The following CELF2 variants were observed in gnomAD, a reference collection of about 807,000 sequenced individuals.
CELF2 encodes the protein CUG triplet repeat RNA-binding protein 2.
In CELF2, 8 loss-of-function variants were observed where a neutral mutation model predicts 62.6. That is an observed-to-expected ratio of 0.13 (90% CI 0.07 to 0.23). The LOEUF (loss-of-function observed/expected upper bound fraction) is 0.23, where lower values mean the gene tolerates loss of function less well. Among genes scored for constraint, CELF2 ranks in the 10% least tolerant of loss-of-function variants. The pLI is 1.00. For missense variants in CELF2, 333 were observed against 671.0 expected (o/e 0.50, Z 5.56); for synonymous variants, 258 against 250.0 (o/e 1.03, Z -0.30).
chr10:10,504,459 G>A, the CELF2 span, among the ~76,000 whole-genome samples: 21,839 of 152,032 alleles, frequency 0.14, 1,721 homozygotes, highest in Middle Eastern at 0.26. Flanking sequence ...TATAGGTAAG[G>A]CATCATTTTT....
At chr10:10,670,862 C>T in the CELF2 span, among the ~76,000 whole-genome samples, 2 of 152,038 alleles carry the variant, frequency 1.3e-5, no homozygotes, top group African/African-American at 4.8e-5. Context: ...CAAATTGGCT[C>T]CTTTCACTTA....
At chr10:10,738,875 A>G in the CELF2 span, among the ~76,000 whole-genome samples, 1 of 152,236 alleles carries the variant, frequency 6.6e-6, no homozygotes, top group Non-Finnish European at 1.5e-5. Context: ...CGTGGACTTT[A>G]GTTAATAATA....
chr10:11,237,831 C>T lies in CELF2; in HGVS notation c.355-11322C>T, dbSNP rs2072107297. Among the ~76,000 whole-genome samples, 1 of 152,228 alleles carries T rather than the reference C, an allele frequency of 6.6e-6. No homozygotes were observed. The highest frequency in any genetic ancestry group is 1.5e-5 in the Non-Finnish European group (1 of 68,040). ...GTCACAAGGATGATTTGTTGTTAAACCACAACTCGTTTCTCTTAAAATATG... is the reference window on the plus strand; with the variant it reads ...GTCACAAGGATGATTTGTTGTTAAATCACAACTCGTTTCTCTTAAAATATG... On this transcript the variant is annotated intron_variant, in intron 3 of 12. Transcript: ENST00000633077. This position sits in a 1 kb window ranked among gnomAD's most constrained non-coding sequence, Gnocchi z 4.0.
chr10:10,485,465 G>A, the CELF2 span, among the ~76,000 whole-genome samples: 2 of 152,124 alleles, frequency 1.3e-5, no homozygotes, highest in African/African-American at 4.8e-5. Flanking sequence ...AAGTCTTTTG[G>A]TTACAAGTGT....
At chr10:10,966,688 G>A (rs964177195) in intron 2 of CELF2, 1 of 152,188 alleles carries the variant, frequency 6.6e-6, no homozygotes, top group Non-Finnish European at 1.5e-5. Context: ...GAATATCTGG[G>A]GATAGGGCAT....
At chr10:10,861,204 T>C (rs565581138) in intron 1 of CELF2, among the ~76,000 whole-genome samples, 1 of 152,252 alleles carries the variant, frequency 6.6e-6, no homozygotes, top group East Asian at 1.9e-4. Flanking sequence ...CACCTCAGTA[T>C]CTTGGACTAC....
the CELF2 span, among the ~76,000 whole-genome samples, chr10:10,539,584 C>T: frequency 2.0e-5 from 3 of 152,140 alleles, no homozygotes; most frequent in African/African-American, 7.2e-5. Context: ...AACCAGGGTC[C>T]TGTGATACTT....
intron 2 of CELF2, among the ~76,000 whole-genome samples, chr10:10,959,645 A>G (rs1044035919): frequency 3.9e-5 from 6 of 152,182 alleles, no homozygotes; most frequent in Non-Finnish European, 7.4e-5. Context: ...CTTCCAAAGC[A>G]TGGAATATGC....
At chr10:10,479,198 T>C in the CELF2 span, among the ~76,000 whole-genome samples, 68 of 152,264 alleles carry the variant, frequency 4.5e-4, 1 homozygote, top group African/African-American at 1.5e-3. Context: ...AGATGGAGTC[T>C]TGCTCTGTCA....
At chr10:10,535,258 G>A in the CELF2 span, among the ~76,000 whole-genome samples, 5 of 152,230 alleles carry the variant, frequency 3.3e-5, no homozygotes, top group Non-Finnish European at 7.3e-5. Context: ...TTGGGAACAG[G>A]ATGAACACCT....
chr10:10,844,569 G>A (rs975022127), intron 1 of CELF2, among the ~76,000 whole-genome samples: 4 of 152,030 alleles, frequency 2.6e-5, no homozygotes, highest in East Asian at 3.8e-4. Flanking sequence ...GAAGAGTGTG[G>A]GGAAACTAGC....
chr10:11,281,116 CA>C (rs994265360), intron 8 of CELF2, among the ~76,000 whole-genome samples: 1 of 152,100 alleles, frequency 6.6e-6, no homozygotes, highest in African/African-American at 2.4e-5. Flanking sequence ...GTCACTGCCC[CA>C]CCCCCAGGCT....
chr10:11,294,552 C>T lies in CELF2; in HGVS notation c.976+6000C>T, dbSNP rs148998224. ...GGTAGACCATTCTTCCCTCCACTAG[C>T]GGCTAAGTGTCTCAGTCAGGCAGAG... is the stretch of plus-strand genomic sequence containing the variant. On this transcript the variant is annotated intron_variant, in intron 9 of 12. Coordinates refer to ENST00000633077, the MANE Select transcript of CELF2 (RefSeq NM_001326342.2). 9.2e-5 allele frequency among the ~76,000 whole-genome samples: 14 copies of T among 152,342 alleles called. No homozygotes were observed. The East Asian group carries it at 1.5e-3, about 17-fold the overall frequency.
intron 1 of CELF2, among the ~76,000 whole-genome samples, chr10:11,050,785 C>T (rs138710463): frequency 2.0e-3 from 303 of 152,298 alleles, no homozygotes; most frequent in African/African-American, 7.0e-3. Flanking sequence ...GGTTGTGCCT[C>T]TTCTCACAAT....
At chr10:10,547,858 A>T in the CELF2 span, among the ~76,000 whole-genome samples, 1 of 152,190 alleles carries the variant, frequency 6.6e-6, no homozygotes, top group East Asian at 1.9e-4. Flanking sequence ...TTCTGTATCA[A>T]ACATCCATCA....
chr10:11,089,182 C>T (rs1209907159), intron 1 of CELF2, among the ~76,000 whole-genome samples: 1 of 152,160 alleles, frequency 6.6e-6, no homozygotes, highest in African/African-American at 2.4e-5. Context: ...TTGGGGATGG[C>T]AGGGTCACGT....
intron 9 of CELF2, among the ~76,000 whole-genome samples, chr10:11,310,709 T>A (rs1356578776): frequency 2.6e-5 from 4 of 152,006 alleles, no homozygotes; most frequent in African/African-American, 9.7e-5. Flanking sequence ...CAAGGACTAT[T>A]ACATGTAGAC....
At chr10:10,666,871 A>G in the CELF2 span, among the ~76,000 whole-genome samples, 4 of 150,010 alleles carry the variant, frequency 2.7e-5, 1 homozygote, top group African/African-American at 9.8e-5. Flanking sequence ...CAAAAAAAAA[A>G]AAAAAAAAGA....
chr10:10,481,247 T>C, the CELF2 span, among the ~76,000 whole-genome samples: 1 of 152,180 alleles, frequency 6.6e-6, no homozygotes. Context: ...CTGTGTGCCA[T>C]TTATTCCTAT....
Sources: gnomAD v4.1 joint callset for allele counts (sites outside exome capture counted in the v4.1 genomes callset) on GRCh38, gnomAD v4.1.1 for gene constraint, Gnocchi (gnomAD v3.1) non-coding constraint, MANE v1.5 for transcripts, NCBI Gene and HGNC (gene_info 2026-07-23, HGNC 2026-07-21) for gene names.